Variants in C10orf71 observed in about 807,000 individuals in gnomAD.
C10orf71 encodes cardiac-enriched FHL2-interacting protein.
For missense variants in C10orf71, 1,869 were observed against 1,804.5 expected, an observed-to-expected ratio of 1.04 and a Z score of -0.65; for synonymous variants, 758 against 726.3, an observed-to-expected ratio of 1.04 and a Z score of -0.70.
At chr10:49,305,833 T>C (rs1848803503) in intron 1 of C10orf71, among the ~76,000 whole-genome samples, 1 of 152,070 alleles carries the variant, frequency 6.6e-6, no homozygotes, top group Non-Finnish European at 1.5e-5. Context: ...TCTCAGAGAG[T>C]TTTTTTTAAA....
intron 1 of C10orf71, among the ~76,000 whole-genome samples, chr10:49,300,405 A>G (rs1332469636): frequency 3.3e-5 from 5 of 151,570 alleles, no homozygotes; most frequent in African/African-American, 9.7e-5. Flanking sequence ...CTTTACAGAA[A>G]AAGTTTGCTG....
Position 49,323,408 on chromosome 10 carries a change from TG to T in C10orf71, c.865del (p.Glu289ArgfsTer24). ...TGGAATGCCCACCAACCAAAGCTGCTGGAGAGAAAGGACACAGCTGGAACCG... is the reference window on the plus strand; with the variant it reads ...TGGAATGCCCACCAACCAAAGCTGCTGAGAGAAAGGACACAGCTGGAACCG... ...ESWNAHQPKL[L>X]ERKDTAGTVP... is the part of the protein sequence containing the mutation. On this transcript the variant is annotated frameshift_variant, in exon 3 of 3. Coordinates refer to ENST00000374144, the MANE Select transcript of C10orf71 (RefSeq NM_001135196.2). LOFTEE classifies it low-confidence loss of function (END_TRUNC). The T allele has an allele frequency of 6.2e-7, 1 of 1,613,968 alleles. No homozygotes were observed. Among genetic ancestry groups the T allele is most frequent in the Non-Finnish European group, 8.5e-7 (1 of 1,179,890 alleles).
At chr10:49,298,679 T>A (rs1010919864), upstream of C10orf71, 1 of 152,240 alleles carries the variant, frequency 6.6e-6, no homozygotes, top group African/African-American at 2.4e-5. Flanking sequence ...GCTTACCAAG[T>A]GGACACTTAC....
intron 1 of C10orf71, among the ~76,000 whole-genome samples, chr10:49,308,822 C>T (rs1848862102): frequency 6.6e-6 from 1 of 152,124 alleles, no homozygotes; most frequent in Non-Finnish European, 1.5e-5. Context: ...TCTAAATGAA[C>T]TTATAATTTC....
chr10:49,307,008 C>G (rs1848825900), intron 1 of C10orf71, among the ~76,000 whole-genome samples: 1 of 152,244 alleles, frequency 6.6e-6, no homozygotes, highest in East Asian at 1.9e-4. Flanking sequence ...CCCAAAATCT[C>G]TGCCTCTCAG....
chr10:49,323,093 G>T lies in C10orf71; in HGVS notation c.548G>T (p.Ser183Ile), dbSNP rs770776573. Reference sequence around the variant, plus strand: ...AAATTCGCTCCTCTTCCAGAAAACAGTGTCAACTTCTGCTTCGATTCTGCC... The same window carrying T: ...AAATTCGCTCCTCTTCCAGAAAACATTGTCAACTTCTGCTTCGATTCTGCC... ...PPKFAPLPEN[S>I]VNFCFDSAFL... Residue 183 changes from serine (S) to isoleucine (I), a missense_variant, in exon 3 of 3, where the codon AGT becomes ATT. Transcript: ENST00000374144. 13 of 1,613,920 alleles carry T rather than the reference G, an allele frequency of 8.1e-6. No individual in the cohort carries two copies. Among genetic ancestry groups the T allele is most frequent in the Admixed American group, 6.7e-5 (4 of 60,016 alleles).
At chr10:49,297,213 C>T (rs1426271047), upstream of C10orf71, among the ~76,000 whole-genome samples, 2 of 152,224 alleles carry the variant, frequency 1.3e-5, no homozygotes, top group Non-Finnish European at 2.9e-5. Context: ...AGACCAGCGG[C>T]CCTGCCGAAG....
intron 1 of C10orf71, among the ~76,000 whole-genome samples, chr10:49,311,743 C>T (rs1277678616): frequency 1.3e-5 from 2 of 152,204 alleles, no homozygotes; most frequent in African/African-American, 2.4e-5. Flanking sequence ...GGAAGAGGGA[C>T]TATTACTTGA....
chr10:49,319,940 A>G (rs1220353847), intron 2 of C10orf71, among the ~76,000 whole-genome samples: 4 of 152,064 alleles, frequency 2.6e-5, no homozygotes, highest in African/African-American at 9.7e-5. Context: ...TGGAGTCATC[A>G]AATTCATAAA....
intron 1 of C10orf71, among the ~76,000 whole-genome samples, chr10:49,300,201 T>C (rs889889109): frequency 1.3e-5 from 2 of 152,136 alleles, no homozygotes; most frequent in Admixed American, 1.3e-4. Flanking sequence ...TGAGGTCCTG[T>C]TTTCCAGCAT....
rs1419315325 is a variant in C10orf71, at chr10:49,325,546, A to T, written c.3001A>T (p.Ile1001Phe). The T allele has an allele frequency of 6.4e-7, 1 of 1,550,552 alleles. No homozygotes were observed. Among genetic ancestry groups the T allele is most frequent in the Non-Finnish European group, 8.7e-7 (1 of 1,146,060 alleles). ...AGGGAAGCTGGCAGCCCCATGGCAC[A>T]TCCCCACCATTGCTTTACCCGAGGG... is the stretch of plus-strand genomic sequence containing the variant. The part of the protein sequence containing the change: ...DSGKLAAPWH[I>F]PTIALPEGDI... Residue 1001 changes from isoleucine to phenylalanine, a missense_variant, in exon 3 of 3, where the codon ATC becomes TTC. Ile to Phe is a conservative substitution (Grantham distance 21). Transcript: ENST00000374144.
chr10:49,315,501 C>G (rs1848985761), intron 1 of C10orf71, among the ~76,000 whole-genome samples: 1 of 152,102 alleles, frequency 6.6e-6, no homozygotes, highest in African/African-American at 2.4e-5. Context: ...GCTGCAAAAC[C>G]CAGTTCAGTG....
intron 1 of C10orf71, among the ~76,000 whole-genome samples, chr10:49,312,767 G>A (rs895404565): frequency 5.9e-5 from 9 of 152,246 alleles, no homozygotes; most frequent in Admixed American, 2.6e-4. Flanking sequence ...GAACAATCCC[G>A]TCCACCTGCT....
rs1206589681 is a variant in C10orf71 at position 49,310,752 on chromosome 10, A to T, written c.-247-5393A>T. On this transcript the variant is annotated intron_variant, in intron 1 of 2. Coordinates refer to ENST00000374144, the MANE Select transcript of C10orf71 (RefSeq NM_001135196.2). ...ATTGTGATCCACTTTGAGTGCTAAA[A>T]GTTGGTGAGACCCTCAGGTAGCCAG... 3.3e-5 allele frequency among the ~76,000 whole-genome samples: 5 copies of T among 151,768 alleles called. No individual in the cohort carries two copies. The East Asian group carries it at 7.8e-4, about 24-fold the overall frequency.
At chr10:49,311,143 C>G (rs2132411725) in intron 1 of C10orf71, among the ~76,000 whole-genome samples, 2 of 152,182 alleles carry the variant, frequency 1.3e-5, no homozygotes, top group Admixed American at 1.3e-4. Flanking sequence ...GGCACTTTGT[C>G]TCTCCTCATG....
At chr10:49,298,180 G>C (rs1189777832), upstream of C10orf71, among the ~76,000 whole-genome samples, 1 of 152,202 alleles carries the variant, frequency 6.6e-6, no homozygotes, top group African/African-American at 2.4e-5. Context: ...GAGCCCACAG[G>C]GGCAGAAGGG....
intron 2 of C10orf71, among the ~76,000 whole-genome samples, chr10:49,318,374 T>A (rs1849035297): frequency 6.6e-6 from 1 of 152,252 alleles, no homozygotes; most frequent in African/African-American, 2.4e-5. Flanking sequence ...TCACGTGGGC[T>A]GATGCTCTCC....
intron 1 of C10orf71, among the ~76,000 whole-genome samples, chr10:49,311,456 G>C (rs576025167): frequency 6.6e-6 from 1 of 152,288 alleles, no homozygotes; most frequent in African/African-American, 2.4e-5. Context: ...GTAAACCTCT[G>C]TCATTACATC....
intron 1 of C10orf71, among the ~76,000 whole-genome samples, chr10:49,314,995 C>G (rs549187733): frequency 6.6e-6 from 1 of 152,138 alleles, no homozygotes; most frequent in Non-Finnish European, 1.5e-5. Flanking sequence ...GGGAAAGCAG[C>G]GATCATCAGT....
Sources: gnomAD v4.1 joint callset for allele counts (sites outside exome capture counted in the v4.1 genomes callset) on GRCh38, gnomAD v4.1.1 for gene constraint, MANE v1.5 for transcripts, NCBI Gene and HGNC (gene_info 2026-07-23, HGNC 2026-07-21) for gene names.